Variants in PLSCR2 observed in about 807,000 individuals in gnomAD.
PLSCR2 encodes phospholipid scramblase 2.
In PLSCR2, 18 loss-of-function variants were observed where a neutral mutation model predicts 25.3. The observed-to-expected ratio is 0.71, with a 90% CI of 0.49 to 1.06. The LOEUF (loss-of-function observed/expected upper bound fraction) is 1.06. PLSCR2 is among the 50% of genes least tolerant of loss of function. PLSCR2 has a pLI of 0.00. For synonymous variants in PLSCR2, 88 were observed against 87.3 expected (o/e 1.01, Z -0.04); for missense variants, 243 against 269.5 (o/e 0.90, Z 0.69).
intron 1 of PLSCR2, among the ~76,000 whole-genome samples, chr3:146,493,975 C>T (rs1053261679): frequency 1.3e-5 from 2 of 151,954 alleles, no homozygotes; most frequent in Non-Finnish European, 2.9e-5. Context: ...TACATCATGG[C>T]TACTGTGACT....
chr3:146,433,085 A>G (rs965562935), downstream of PLSCR2, among the ~76,000 whole-genome samples: 1 of 152,130 alleles, frequency 6.6e-6, no homozygotes, highest in African/African-American at 2.4e-5. Context: ...AGAACTTCCA[A>G]AACCTATTTT....
chr3:146,396,467 A>G (rs2038276813), intron 2 of PLSCR2, among the ~76,000 whole-genome samples: 2 of 152,184 alleles, frequency 1.3e-5, no homozygotes. Context: ...AATGAGGGCC[A>G]TAAGGGAAGG....
chr3:146,462,655 C>T (rs1201953750), upstream of PLSCR2, among the ~76,000 whole-genome samples: 2 of 151,780 alleles, frequency 1.3e-5, no homozygotes, highest in Admixed American at 6.6e-5. Flanking sequence ...TTAGTAGAGA[C>T]GGGGTTTCAC....
chr3:146,490,258 T>C (rs1252083499), intron 1 of PLSCR2, among the ~76,000 whole-genome samples: 2 of 152,060 alleles, frequency 1.3e-5, no homozygotes, highest in East Asian at 3.9e-4. Context: ...TTGGAGGAAA[T>C]TTGAAATTCA....
At chr3:146,486,202 A>G (rs781328497) in intron 1 of PLSCR2, among the ~76,000 whole-genome samples, 7 of 152,194 alleles carry the variant, frequency 4.6e-5, no homozygotes, top group Non-Finnish European at 1.0e-4. Context: ...CTAAATGCCC[A>G]CATCACAAAG....
chr3:146,449,424 A>T, intron 5 of PLSCR2, 57 bp from the exon 6 acceptor site: 2 of 1,159,926 alleles, frequency 1.7e-6, no homozygotes, highest in South Asian at 1.4e-5. Context: ...TAGCAAAATT[A>T]CTTTTAACAC....
chr3:146,470,262 T>C (rs548938018), intron 1 of PLSCR2, among the ~76,000 whole-genome samples: 1 of 152,242 alleles, frequency 6.6e-6, no homozygotes, highest in Admixed American at 6.5e-5. Context: ...TTCTACTGAT[T>C]TTTTAAAAAT....
intron 1 of PLSCR2, among the ~76,000 whole-genome samples, chr3:146,484,221 A>G (rs925712123): frequency 3.3e-5 from 5 of 150,198 alleles, no homozygotes; most frequent in Non-Finnish European, 5.9e-5. Flanking sequence ...GAAATAAGGC[A>G]GGCATACAAG....
chr3:146,431,939 T>C (rs1457209787), downstream of PLSCR2, among the ~76,000 whole-genome samples: 1 of 152,128 alleles, frequency 6.6e-6, no homozygotes, highest in African/African-American at 2.4e-5. Context: ...TCTTAGTGCA[T>C]CCTATTAGGT....
downstream of PLSCR2, among the ~76,000 whole-genome samples, chr3:146,439,745 C>T (rs909894197): frequency 6.6e-6 from 1 of 152,018 alleles, no homozygotes; most frequent in Non-Finnish European, 1.5e-5. Context: ...TTTGTTATTA[C>T]CGATTATCTG....
downstream of PLSCR2, among the ~76,000 whole-genome samples, chr3:146,438,980 A>C (rs756877065): frequency 1.3e-5 from 2 of 152,124 alleles, no homozygotes; most frequent in Non-Finnish European, 2.9e-5. Flanking sequence ...GTGGTGACAA[A>C]ATCTCTCAGC....
chr3:146,473,797 A>G (rs1287581097), intron 1 of PLSCR2, among the ~76,000 whole-genome samples: 1 of 152,172 alleles, frequency 6.6e-6, no homozygotes, highest in Non-Finnish European at 1.5e-5. Flanking sequence ...CTAATTCAAT[A>G]TATTTGGAAC....
exon 3 of PLSCR2, chr3:146,458,428 T>A: frequency 6.7e-7 from 1 of 1,503,328 alleles, no homozygotes; most frequent in Non-Finnish European, 9.0e-7. Flanking sequence ...AAGTTCAATT[T>A]GCTGATGAAT....
At chr3:146,481,702 CTT>C (rs1164603276) in intron 1 of PLSCR2, among the ~76,000 whole-genome samples, 1 of 152,176 alleles carries the variant, frequency 6.6e-6, no homozygotes, top group Non-Finnish European at 1.5e-5. Context: ...CTACCAATGA[CTT>C]TCTTCACAGA....
At chr3:146,432,336 C>A (rs2039577175), downstream of PLSCR2, among the ~76,000 whole-genome samples, 1 of 152,146 alleles carries the variant, frequency 6.6e-6, no homozygotes, top group Admixed American at 6.6e-5. Context: ...CTTTCCCTAC[C>A]AAAATCCTGG....
chr3:146,395,966 CAA>C (rs1044834656), intron 2 of PLSCR2: 15 of 278,854 alleles, frequency 5.4e-5, no homozygotes, highest in Non-Finnish European at 9.9e-5. Flanking sequence ...ATCTGTGAGA[CAA>C]AAAGTTATTC....
chr3:146,469,487 C>A lies in PLSCR2; in HGVS notation c.-292-9203G>T. On this transcript the variant is annotated intron_variant, in intron 1 of 8. Transcript: ENST00000336685. Reference sequence around the variant, plus strand: ...ATAGGGAGGCGACTGAGAAAGCCGCCCCCTTACCCGTGGCTGCAGCTGCTC... The same window carrying A: ...ATAGGGAGGCGACTGAGAAAGCCGCACCCTTACCCGTGGCTGCAGCTGCTC... 2.0e-6 allele frequency: 2 copies of A among 983,070 alleles called. No individual in the cohort carries two copies. Among genetic ancestry groups the A allele is most frequent in the Non-Finnish European group, 2.4e-6 (2 of 827,796 alleles). 60.9% of individuals were successfully genotyped at this position (983,070 alleles called of 1,614,324 possible).
At chr3:146,488,251 A>G (rs80245944) in intron 1 of PLSCR2, among the ~76,000 whole-genome samples, 4 of 152,218 alleles carry the variant, frequency 2.6e-5, no homozygotes, top group African/African-American at 9.6e-5. Context: ...AGGCAATGCC[A>G]TTTAGGACAA....
chr3:146,425,325 C>T (rs2039304114), intron 2 of PLSCR2, among the ~76,000 whole-genome samples: 1 of 152,120 alleles, frequency 6.6e-6, no homozygotes, highest in Non-Finnish European at 1.5e-5. Context: ...CCAAACGTGG[C>T]ACTTCTGGAA....
Sources: gnomAD v4.1 joint callset for allele counts (sites outside exome capture counted in the v4.1 genomes callset) on GRCh38, gnomAD v4.1.1 for gene constraint, MANE v1.5 for transcripts, NCBI Gene and HGNC (gene_info 2026-07-23, HGNC 2026-07-21) for gene names.